SRPK2: variants seen among roughly 807,000 people sequenced by gnomAD.
SRPK2 encodes SRSF protein kinase 2, also known as SFRS protein kinase 2.
A neutral mutation model predicts 90.8 loss-of-function variants in SRPK2; 21 were observed. The ratio of observed to expected loss-of-function variants is 0.23; its 90% CI spans 0.16 to 0.33. The LOEUF (loss-of-function observed/expected upper bound fraction) is 0.33. Among genes scored for constraint, SRPK2 ranks in the 10% least tolerant of loss-of-function variants. SRPK2 has a pLI of 1.00. For synonymous variants in SRPK2, 288 were observed against 311.1 expected (o/e 0.93, Z 0.78); for missense variants, 620 against 869.0 (o/e 0.71, Z 3.60).
intron 2 of SRPK2, among the ~76,000 whole-genome samples, chr7:105,230,046 G>GA (rs1315089585): frequency 5.9e-5 from 9 of 152,210 alleles, no homozygotes; most frequent in Non-Finnish European, 1.2e-4. Context: ...TGTAAAAGGA[G>GA]AATCAGTGCC....
intron 2 of SRPK2, among the ~76,000 whole-genome samples, chr7:105,299,171 C>A (rs1443355256): frequency 6.6e-6 from 1 of 152,214 alleles, no homozygotes; most frequent in African/African-American, 2.4e-5. Context: ...GCATGGCCTG[C>A]ATGGAGGTGG....
intron 2 of SRPK2, among the ~76,000 whole-genome samples, chr7:105,212,089 A>C (rs1796930900): frequency 6.6e-6 from 1 of 152,148 alleles, no homozygotes; most frequent in South Asian, 2.1e-4. Context: ...CAAAAAGCAA[A>C]CCTCTGGTTC....
At chr7:105,378,362 T>C (rs765119703) in intron 2 of SRPK2, among the ~76,000 whole-genome samples, 1 of 152,150 alleles carries the variant, frequency 6.6e-6, no homozygotes, top group Non-Finnish European at 1.5e-5. Context: ...CAAATTTTTA[T>C]AAATCAGTAA....
chr7:105,277,227 C>G (rs544631958), intron 2 of SRPK2, among the ~76,000 whole-genome samples: 1 of 152,216 alleles, frequency 6.6e-6, no homozygotes, highest in African/African-American at 2.4e-5. Context: ...CAGGCGCCCA[C>G]TACCACGTCC....
At chr7:105,394,118 C>G (rs1313555571), upstream of SRPK2, among the ~76,000 whole-genome samples, 1 of 151,824 alleles carries the variant, frequency 6.6e-6, no homozygotes, top group Non-Finnish European at 1.5e-5. Context: ...CCTTTTGTGG[C>G]CAGAGTCTTT....
chr7:105,171,825 C>G (rs958887615), intron 3 of SRPK2, among the ~76,000 whole-genome samples: 4 of 152,134 alleles, frequency 2.6e-5, no homozygotes, highest in African/African-American at 9.7e-5. Context: ...AAATGGCTTA[C>G]TACTTAGAAG....
At chr7:105,299,678 A>G (rs1810285951) in intron 2 of SRPK2, among the ~76,000 whole-genome samples, 1 of 152,162 alleles carries the variant, frequency 6.6e-6, no homozygotes, top group African/African-American at 2.4e-5. Flanking sequence ...AGACCATCTG[A>G]GGTCAGGAGT....
At chr7:105,158,809 TG>T (rs1806965427) in intron 7 of SRPK2, among the ~76,000 whole-genome samples, 2 of 150,552 alleles carry the variant, frequency 1.3e-5, no homozygotes, top group African/African-American at 4.9e-5. Flanking sequence ...TGTGTTTTTT[TG>T]TGTTTTTTTT....
chr7:105,155,781 G>A (rs1017018155), intron 7 of SRPK2, among the ~76,000 whole-genome samples: 1 of 152,164 alleles, frequency 6.6e-6, no homozygotes, highest in Non-Finnish European at 1.5e-5. Flanking sequence ...GGCATTTCTG[G>A]CAGCCTAGAA....
chr7:105,149,383 CAT>C (rs1165697760), intron 7 of SRPK2, among the ~76,000 whole-genome samples: 1 of 152,138 alleles, frequency 6.6e-6, no homozygotes, highest in Non-Finnish European at 1.5e-5. Context: ...TTAATTATGA[CAT>C]AGATTCTATT....
At chr7:105,182,252 A>AT (rs1359890983) in intron 3 of SRPK2, among the ~76,000 whole-genome samples, 1 of 151,388 alleles carries the variant, frequency 6.6e-6, no homozygotes, top group African/African-American at 2.4e-5. Context: ...AAAAAAAAAA[A>AT]ATTCAACCGT....
intron 3 of SRPK2, among the ~76,000 whole-genome samples, chr7:105,171,863 G>A (rs980103729): frequency 6.6e-6 from 1 of 152,038 alleles, no homozygotes; most frequent in Non-Finnish European, 1.5e-5. Flanking sequence ...TAAAAGAAAT[G>A]AGCTCTGAGT....
chr7:105,358,333 TGTATTA>T lies in SRPK2; in HGVS notation c.71+30309_71+30314del, dbSNP rs1042782486. The stretch of plus-strand genomic sequence containing the variant: ...GATAACACACATTTTGTATGTTATA[TGTATTA>T]TACACAATATTCCTACAATAAAACA... On this transcript the variant is annotated intron_variant, in intron 2 of 15. Transcript: ENST00000393651. Among the ~76,000 whole-genome samples, 641 of 152,094 alleles carry T rather than the reference TGTATTA, an allele frequency of 4.2e-3. 3 individuals are homozygous for T. Among genetic ancestry groups the T allele is most frequent in the African/African-American group, 0.015 (612 of 41,498 alleles).
intron 2 of SRPK2, among the ~76,000 whole-genome samples, chr7:105,362,398 G>A (rs1818531296): frequency 6.6e-6 from 1 of 151,892 alleles, no homozygotes; most frequent in African/African-American, 2.4e-5. Flanking sequence ...ACAAGGTTGG[G>A]AGATGGAGAC....
chr7:105,223,673 G>C (rs17145325), intron 2 of SRPK2, among the ~76,000 whole-genome samples: 2,510 of 152,264 alleles, frequency 0.016, 76 homozygotes, highest in African/African-American at 0.058. Flanking sequence ...AGCACTTGCA[G>C]GGTTTAGCTA....
rs917349293 is a variant in SRPK2 at position 105,117,902 on chromosome 7, T to G, written c.2036A>C (p.Glu679Ala). 6.2e-7 allele frequency: 1 copy of G among 1,613,886 alleles called. No homozygotes were observed. Among genetic ancestry groups the G allele is most frequent in the Non-Finnish European group, 8.5e-7 (1 of 1,180,042 alleles). ...QFTDFLIPML[E>A]MVPEKRASAG... ...TGAGGCTCGTTTTTCTGGAACCATT[T>G]CTAACATCGGGATCAGGAAATCTGT... Residue 679 changes from glutamate to alanine, a missense_variant, in exon 16 of 16, where the codon GAA (glutamate) becomes GCA (alanine). Around this residue, in one of 8 missense-constraint regions of SRPK2, gnomAD observed 71 missense variants for 123.1 expected, o/e 0.58. Transcript: ENST00000393651.
chr7:105,389,469 A>ATT, upstream of SRPK2: 1 of 1,132,158 alleles, frequency 8.8e-7, no homozygotes, highest in Non-Finnish European at 1.1e-6. Flanking sequence ...TGGAGAAGTC[A>ATT]TTTTCTCTCC....
intron 11 of SRPK2, among the ~76,000 whole-genome samples, chr7:105,138,216 A>G (rs1005516742): frequency 1.1e-4 from 17 of 152,236 alleles, no homozygotes; most frequent in Non-Finnish European, 2.2e-4. Flanking sequence ...TTCAATAAAT[A>G]TTTATCTTAG....
intron 2 of SRPK2, among the ~76,000 whole-genome samples, chr7:105,287,259 T>TAAAA (rs71520909): frequency 2.7e-4 from 16 of 58,842 alleles, no homozygotes; most frequent in African/African-American, 8.8e-4. Flanking sequence ...AGACTCCGTC[T>TAAAA]AAAAAAAAAA....
Sources: gnomAD v4.1 joint callset for allele counts (sites outside exome capture counted in the v4.1 genomes callset) on GRCh38, gnomAD v4.1.1 for gene constraint, gnomAD v4.1.1 regional missense constraint, MANE v1.5 for transcripts, NCBI Gene and HGNC (gene_info 2026-07-23, HGNC 2026-07-21) for gene names.